ADAMTS12: variants seen among roughly 807,000 people sequenced by gnomAD.
ADAMTS12 encodes A disintegrin and metalloproteinase with thrombospondin motifs 12.
ADAMTS12 carries 118 observed loss-of-function variants against 167.8 expected under a neutral mutation model. That is an observed-to-expected ratio of 0.70 (90% CI 0.61 to 0.82). ADAMTS12 has a LOEUF of 0.82. ADAMTS12 is among the 40% of genes least tolerant of loss of function. The pLI, the probability that ADAMTS12 is intolerant of heterozygous loss-of-function variation, is 0.00. For missense variants in ADAMTS12, 1,916 were observed against 1,998.8 expected (o/e 0.96, Z 0.79); for synonymous variants, 704 against 716.9 (o/e 0.98, Z 0.29).
At chr5:33,601,106 A>AGT (rs55841502) in intron 16 of ADAMTS12, among the ~76,000 whole-genome samples, 31,992 of 145,610 alleles carry the variant, frequency 0.22, 4,316 homozygotes, top group Non-Finnish European at 0.31. Flanking sequence ...CACATTTAAG[A>AGT]GTGTGTGTGT....
intron 2 of ADAMTS12, among the ~76,000 whole-genome samples, chr5:33,834,884 G>A (rs1748446023): frequency 6.6e-6 from 1 of 152,192 alleles, no homozygotes. Flanking sequence ...TTTTTGGACT[G>A]ATTTTGATCC....
At chr5:33,867,738 A>T (rs960192086) in intron 2 of ADAMTS12, among the ~76,000 whole-genome samples, 1 of 152,220 alleles carries the variant, frequency 6.6e-6, no homozygotes, top group Non-Finnish European at 1.5e-5. Context: ...ATTAATTGTG[A>T]TGCACAAATC....
At chr5:33,845,499 CAT>C (rs1748911186) in intron 2 of ADAMTS12, among the ~76,000 whole-genome samples, 2 of 152,088 alleles carry the variant, frequency 1.3e-5, no homozygotes, top group Admixed American at 1.3e-4. Context: ...ATAGTAATAA[CAT>C]ATTAAATAAT....
rs1250283438 is a variant in ADAMTS12 at position 33,546,063 on chromosome 5, T to A, written c.4442A>T (p.Asp1481Val). The A allele has an allele frequency of 1.2e-5, 19 of 1,608,880 alleles. No individual in the cohort carries two copies. Among genetic ancestry groups the A allele is most frequent in the Non-Finnish European group, 1.6e-5 (19 of 1,178,786 alleles). ...GTATGTATAACCAAGTCTTACCAGG[T>A]CCCAGTTCCCAGTGGCCCAGTGACA... ...LCCHWATGNWDLCSTSCGGGF... is the reference protein window; with the variant it reads ...LCCHWATGNWVLCSTSCGGGF... The change falls in exon 22 of 24, where the codon GAC becomes GTC. Residue 1481 changes from aspartate (D) to valine (V), a missense_variant. Asp to Val is a radical substitution (Grantham distance 152, BLOSUM62 -3). Coordinates refer to ENST00000504830, the MANE Select transcript of ADAMTS12 (RefSeq NM_030955.4).
intron 2 of ADAMTS12, among the ~76,000 whole-genome samples, chr5:33,839,386 C>G (rs1006661587): frequency 4.6e-5 from 7 of 152,146 alleles, no homozygotes; most frequent in Non-Finnish European, 1.0e-4. Flanking sequence ...TATTTTAGAC[C>G]TGAATTTTGG....
chr5:33,532,010 T>A (rs1459397221), intron 23 of ADAMTS12, among the ~76,000 whole-genome samples: 1 of 152,196 alleles, frequency 6.6e-6, no homozygotes, highest in Non-Finnish European at 1.5e-5. Flanking sequence ...TGTGAAACAA[T>A]GAAGGCTTGT....
At chr5:33,838,956 G>A (rs1018570581) in intron 2 of ADAMTS12, among the ~76,000 whole-genome samples, 1 of 152,120 alleles carries the variant, frequency 6.6e-6, no homozygotes, top group Admixed American at 6.5e-5. Context: ...GATAAAAAAC[G>A]ACTGGATTCA....
chr5:33,859,301 G>A (rs181342538), intron 2 of ADAMTS12, among the ~76,000 whole-genome samples: 316 of 152,340 alleles, frequency 2.1e-3, no homozygotes, highest in African/African-American at 7.2e-3. Flanking sequence ...AAGTTGATCC[G>A]GGATGGACTA....
chr5:33,649,955 G>T (rs889304598), intron 7 of ADAMTS12, among the ~76,000 whole-genome samples: 1 of 152,160 alleles, frequency 6.6e-6, no homozygotes, highest in African/African-American at 2.4e-5. Context: ...ACTTCTGCTT[G>T]GCAGAAGGCT....
intron 2 of ADAMTS12, among the ~76,000 whole-genome samples, chr5:33,856,655 G>A (rs1455420660): frequency 6.6e-6 from 1 of 151,784 alleles, no homozygotes; most frequent in East Asian, 1.9e-4. Context: ...ATGAAAAGGT[G>A]GAAAACTTCA....
intron 2 of ADAMTS12, among the ~76,000 whole-genome samples, chr5:33,868,695 C>A (rs1340631767): frequency 6.6e-6 from 1 of 152,178 alleles, no homozygotes. Flanking sequence ...CATTTAAAAG[C>A]AAGTTTGTCC....
At chr5:33,868,356 GT>G (rs1387389149) in intron 2 of ADAMTS12, among the ~76,000 whole-genome samples, 8 of 152,182 alleles carry the variant, frequency 5.3e-5, no homozygotes, top group African/African-American at 1.7e-4. Context: ...CAGGAGACTT[GT>G]TAAATTGCTG....
intron 2 of ADAMTS12, among the ~76,000 whole-genome samples, chr5:33,756,055 G>A (rs2112399514): frequency 6.6e-6 from 1 of 152,284 alleles, no homozygotes; most frequent in African/African-American, 2.4e-5. Context: ...GTGCTGAGAG[G>A]GCTAAGAAAG....
At position 33,889,789 on chromosome 5, in the gene ADAMTS12, T is replaced by C. The variant is rs148649061; in HGVS notation, c.127+1941A>G. Among the ~76,000 whole-genome samples the C allele has an allele frequency of 8.7e-3, 1,323 of 152,152 alleles. 19 individuals carry two copies. In the Middle Eastern group the frequency reaches 0.11, roughly 13 times the overall value. On this transcript the variant is annotated intron_variant, in intron 1 of 23. Coordinates refer to ENST00000504830, the MANE Select transcript of ADAMTS12 (RefSeq NM_030955.4). ...CAACATGGTGAAACCTCGTCTGTACTAAAAATACAAAAATTAGCCGGGCAT... is the reference window on the plus strand; with the variant it reads ...CAACATGGTGAAACCTCGTCTGTACCAAAAATACAAAAATTAGCCGGGCAT...
intron 3 of ADAMTS12, among the ~76,000 whole-genome samples, chr5:33,733,998 TACACACAC>T (rs147754057): frequency 0.41 from 57,734 of 139,262 alleles, 12,740 homozygotes; most frequent in Non-Finnish European, 0.5. Flanking sequence ...ACTTCCCCAC[TACACACAC>T]ACACACACAC....
chr5:33,580,158 G>A (rs1414627805), intron 18 of ADAMTS12, among the ~76,000 whole-genome samples: 1 of 151,890 alleles, frequency 6.6e-6, no homozygotes, highest in Non-Finnish European at 1.5e-5. Context: ...GGTAAGGCAG[G>A]AGTGAAGAAA....
chr5:33,567,159 G>GCA (rs1411188976), intron 19 of ADAMTS12, among the ~76,000 whole-genome samples: 2 of 151,924 alleles, frequency 1.3e-5, no homozygotes, highest in Non-Finnish European at 2.9e-5. Flanking sequence ...AATTACATAT[G>GCA]CACACACACA....
Position 33,644,405 on chromosome 5 carries a change from C to T in ADAMTS12, c.1480-935G>A, listed in dbSNP as rs923549744. On this transcript the variant is annotated intron_variant, in intron 9 of 23. Coordinates refer to ENST00000504830, the MANE Select transcript of ADAMTS12 (RefSeq NM_030955.4). Reference sequence around the variant, plus strand: ...GGGAAGGGAAGTAATTTTCTCAGCTCTAAATTCCATTTGATTGATTTTCTT... The same window carrying T: ...GGGAAGGGAAGTAATTTTCTCAGCTTTAAATTCCATTTGATTGATTTTCTT... Among the ~76,000 whole-genome samples, 9 of 152,184 alleles carry T rather than the reference C, an allele frequency of 5.9e-5. No homozygotes were observed. The South Asian group carries it at 1.9e-3, about 32-fold the overall frequency.
At chr5:33,891,006 T>A (rs531770921) in intron 1 of ADAMTS12, among the ~76,000 whole-genome samples, 1 of 152,234 alleles carries the variant, frequency 6.6e-6, no homozygotes, top group East Asian at 1.9e-4. Flanking sequence ...TGAAGGTGCC[T>A]CTGACCCTTC....
Sources: gnomAD v4.1 joint callset for allele counts (sites outside exome capture counted in the v4.1 genomes callset) on GRCh38, gnomAD v4.1.1 for gene constraint, MANE v1.5 for transcripts, NCBI Gene and HGNC (gene_info 2026-07-23, HGNC 2026-07-21) for gene names.